XIRP2: variants seen among roughly 807,000 people sequenced by gnomAD.
XIRP2 encodes the protein xin actin binding repeat containing 2.
Under a neutral mutation model 277.0 loss-of-function variants are expected in XIRP2, and 236 were observed. The ratio of observed to expected loss-of-function variants is 0.85; its 90% CI spans 0.77 to 0.95. The LOEUF (loss-of-function observed/expected upper bound fraction) is 0.95, where lower values mean the gene tolerates loss of function less well. XIRP2 is among the 40% of genes least tolerant of loss of function. The pLI is 0.00. For synonymous variants in XIRP2, 1,490 were observed against 1,416.5 expected (o/e 1.05, Z -1.17); for missense variants, 4,640 against 4,157.5 (o/e 1.12, Z -3.19).
At chr2:167,047,132 C>T (rs182999261) in intron 2 of XIRP2, among the ~76,000 whole-genome samples, 6 of 151,058 alleles carry the variant, frequency 4.0e-5, no homozygotes, top group Non-Finnish European at 5.9e-5. Context: ...GGAAGTAAAT[C>T]GAAGTGTAAG....
chr2:167,205,550 G>A (rs1693830833), intron 3 of XIRP2, among the ~76,000 whole-genome samples: 1 of 152,028 alleles, frequency 6.6e-6, no homozygotes, highest in South Asian at 2.1e-4. Context: ...AGTTATTCCA[G>A]CTTCATAGTG....
intron 2 of XIRP2, among the ~76,000 whole-genome samples, chr2:167,104,888 G>A (rs1034076508): frequency 1.4e-4 from 22 of 151,850 alleles, no homozygotes; most frequent in African/African-American, 5.1e-4. Context: ...CTCATTCTGC[G>A]CATATCTTTT....
rs1196888665 is a variant in XIRP2, at chr2:167,245,764, AC to A, written c.4375del (p.His1459ThrfsTer6). The A allele has an allele frequency of 6.2e-7, 1 of 1,613,756 alleles. No individual in the cohort carries two copies. The highest frequency in any genetic ancestry group is 1.1e-5 in the South Asian group (1 of 91,080). On this transcript the variant is annotated frameshift_variant, in exon 9 of 11. Coordinates refer to ENST00000409195, the MANE Select transcript of XIRP2 (RefSeq NM_152381.6). LOFTEE classifies it high-confidence loss of function. ...NVKTSTWLFETHTMDELRGEG... is the reference protein window; with the variant it reads ...NVKTSTWLFEXHTMDELRGEG... ...TAAAACATCTACTTGGCTATTTGAAACCCACACTATGGATGAACTGAGAGGA... is the reference window on the plus strand; with the variant it reads ...TAAAACATCTACTTGGCTATTTGAAACCACACTATGGATGAACTGAGAGGA...
chr2:167,024,306 A>T (rs972026646), intron 2 of XIRP2, among the ~76,000 whole-genome samples: 8 of 152,112 alleles, frequency 5.3e-5, no homozygotes, highest in Non-Finnish European at 7.3e-5. Flanking sequence ...TTGATTTTAT[A>T]TCCTGAGACT....
chr2:167,249,167 C>A lies in XIRP2; in HGVS notation c.7775C>A (p.Thr2592Asn), dbSNP rs751223636. 1.2e-6 allele frequency: 2 copies of A among 1,613,598 alleles called. No individual in the cohort carries two copies. Among genetic ancestry groups the A allele is most frequent in the South Asian group, 1.1e-5 (1 of 91,052 alleles). ...EVEKEMPLQKTNEEVSLSGID... is the reference protein window; with the variant it reads ...EVEKEMPLQKNNEEVSLSGID... ...GAAAAGGAAATGCCATTACAAAAAA[C>A]CAATGAGGAGGTTTCCCTATCTGGA... Residue 2592 changes from threonine (T) to asparagine (N), a missense_variant, in exon 9 of 11, where the codon ACC (threonine) becomes AAC (asparagine). Transcript: ENST00000409195.
At chr2:167,069,082 C>T (rs6719383) in intron 2 of XIRP2, among the ~76,000 whole-genome samples, 25,051 of 151,996 alleles carry the variant, frequency 0.16, 2,239 homozygotes, top group African/African-American at 0.25. Flanking sequence ...TTATATAAAA[C>T]GGTGTAGTCT....
chr2:167,156,319 A>T (rs1484761305), intron 3 of XIRP2, among the ~76,000 whole-genome samples: 2 of 152,110 alleles, frequency 1.3e-5, no homozygotes, highest in African/African-American at 2.4e-5. Flanking sequence ...AGTAAAGTTA[A>T]TGATAGCAAC....
At chr2:167,018,586 G>C (rs1008976445) in intron 2 of XIRP2, among the ~76,000 whole-genome samples, 5 of 152,052 alleles carry the variant, frequency 3.3e-5, no homozygotes, top group African/African-American at 1.2e-4. Context: ...AGACATAGAA[G>C]AGTCCCACAT....
chr2:167,201,452 G>C (rs545249179), intron 3 of XIRP2, among the ~76,000 whole-genome samples: 1 of 151,926 alleles, frequency 6.6e-6, no homozygotes, highest in East Asian at 1.9e-4. Flanking sequence ...ATGAAAGCGC[G>C]ACACCACCTC....
Position 167,250,047 on chromosome 2 carries a change from A to C in XIRP2, c.8655A>C (p.Lys2885Asn). The change falls in exon 9 of 11, where the codon AAA (lysine) becomes AAC (asparagine). Residue 2885 changes from lysine (K) to asparagine (N), a missense_variant. By Grantham distance (94) the Lys-to-Asn change is moderately conservative. Coordinates refer to ENST00000409195, the MANE Select transcript of XIRP2 (RefSeq NM_152381.6). ...CTGAAAGTAAAGCTGAACATAAAAA[A>C]TTGCCCCAGCCATATAATAGTCTGC... The part of the protein sequence containing the change: ...QTAESKAEHK[K>N]LPQPYNSLQE... The C allele has an allele frequency of 6.2e-7, 1 of 1,613,638 alleles. No individual in the cohort carries two copies. Among genetic ancestry groups the C allele is most frequent in the Non-Finnish European group, 8.5e-7 (1 of 1,179,706 alleles).
intron 5 of XIRP2, among the ~76,000 whole-genome samples, chr2:167,226,905 C>T (rs1694618860): frequency 6.6e-6 from 1 of 152,112 alleles, no homozygotes; most frequent in African/African-American, 2.4e-5. Flanking sequence ...CATGGAATCC[C>T]AGTGGGAACT....
chr2:166,899,117 A>C (rs1279382810), intron 1 of XIRP2, among the ~76,000 whole-genome samples: 3 of 152,026 alleles, frequency 2.0e-5, no homozygotes, highest in African/African-American at 7.2e-5. Context: ...AGTTACTTAA[A>C]TATTTCTTAG....
At chr2:167,071,708 T>C (rs1212559308) in intron 2 of XIRP2, among the ~76,000 whole-genome samples, 2 of 152,188 alleles carry the variant, frequency 1.3e-5, no homozygotes, top group Admixed American at 6.5e-5. Flanking sequence ...ACATGAGAAC[T>C]ATGAAAACGG....
Position 167,243,670 on chromosome 2 carries a change from G to C in XIRP2, c.2278G>C (p.Glu760Gln). ...GCTGGAAATTAAAACTGTTCACAGA[G>C]AAGACGTTGAAAAGGGAGATGTAAG... ...QMLEIKTVHR[E>Q]DVEKGDVRTA... Residue 760 changes from glutamate to glutamine, a missense_variant, in exon 9 of 11, where the codon GAA becomes CAA. Transcript: ENST00000409195. 1 of 1,614,004 alleles carries C rather than the reference G, an allele frequency of 6.2e-7. No individual in the cohort carries two copies. The highest frequency in any genetic ancestry group is 1.6e-4 in the Middle Eastern group (1 of 6,062).
At position 166,971,536 on chromosome 2, in the gene XIRP2, G is replaced by A. The variant is rs562346748; in HGVS notation, c.408+67646G>A. Reference sequence around the variant, plus strand: ...CTCAACTACTCTCTTCCACAAGCTTGTGATTTATGAGCTCATAAATGAAAA... The same window carrying A: ...CTCAACTACTCTCTTCCACAAGCTTATGATTTATGAGCTCATAAATGAAAA... On this transcript the variant is annotated intron_variant, in intron 2 of 10. Coordinates refer to ENST00000409195, the MANE Select transcript of XIRP2 (RefSeq NM_152381.6). Among the ~76,000 whole-genome samples, 93 of 152,036 alleles carry A rather than the reference G, an allele frequency of 6.1e-4. 1 individual carries two copies. Among genetic ancestry groups the A allele is most frequent in the African/African-American group, 2.2e-3 (91 of 41,514 alleles).
chr2:166,888,865 CTATATAT>C (rs1239547123), intron 1 of XIRP2, among the ~76,000 whole-genome samples: 1 of 152,132 alleles, frequency 6.6e-6, no homozygotes, highest in East Asian at 1.9e-4. Flanking sequence ...GTAAGTTTGG[CTATATAT>C]TATATTTTTG....
intron 2 of XIRP2, among the ~76,000 whole-genome samples, chr2:167,053,857 T>C (rs542461759): frequency 6.6e-6 from 1 of 152,284 alleles, no homozygotes; most frequent in Non-Finnish European, 1.5e-5. Flanking sequence ...TAATTAAAAA[T>C]TTGAGAGAAT....
At chr2:167,103,274 C>T (rs144954254) in intron 2 of XIRP2, among the ~76,000 whole-genome samples, 1 of 152,262 alleles carries the variant, frequency 6.6e-6, no homozygotes, top group African/African-American at 2.4e-5. Context: ...TTAAAAAGAA[C>T]AAATTGTTTC....
At chr2:167,211,081 G>A (rs1455257092) in intron 4 of XIRP2, among the ~76,000 whole-genome samples, 186 bp downstream of exon 4, 1 of 152,108 alleles carries the variant, frequency 6.6e-6, no homozygotes, top group African/African-American at 2.4e-5. Flanking sequence ...TATTACTTGT[G>A]TGAATCTGAA....
Sources: gnomAD v4.1 joint callset for allele counts (sites outside exome capture counted in the v4.1 genomes callset) on GRCh38, gnomAD v4.1.1 for gene constraint, MANE v1.5 for transcripts, NCBI Gene and HGNC (gene_info 2026-07-23, HGNC 2026-07-21) for gene names.